The following SHROOM4 variants were observed in gnomAD, a reference collection of about 807,000 sequenced individuals.
SHROOM4 encodes protein Shroom4.
In SHROOM4, 17 loss-of-function variants were observed where a neutral mutation model predicts 80.3. The ratio of observed to expected loss-of-function variants is 0.21; its 90% CI spans 0.14 to 0.32. The LOEUF (loss-of-function observed/expected upper bound fraction) is 0.32, where lower values mean the gene tolerates loss of function less well. SHROOM4 is among the 10% of genes least tolerant of loss of function. SHROOM4 has a pLI of 1.00. For missense variants in SHROOM4, 993 were observed against 1,140.3 expected (o/e 0.87, Z 1.86); for synonymous variants, 400 against 437.5 (o/e 0.91, Z 1.07).
intron 1 of SHROOM4, among the ~76,000 whole-genome samples, chrX:50,772,173 A>G (rs373577978): frequency 8.9e-6 from 1 of 111,771 alleles, no homozygotes; most frequent in East Asian, 2.8e-4. Flanking sequence ...TTAATATTAA[A>G]TCAACAAACA....
intron 5 of SHROOM4, among the ~76,000 whole-genome samples, chrX:50,615,380 A>T (rs6521864): frequency 0.4 from 44,094 of 109,576 alleles, 6,857 homozygotes; most frequent in African/African-American, 0.54. Context: ...TACTTTTAGA[A>T]TTCCACTGAG....
intron 1 of SHROOM4, among the ~76,000 whole-genome samples, chrX:50,782,113 T>C (rs1935639775): frequency 9.0e-6 from 1 of 110,605 alleles, no homozygotes; most frequent in Admixed American, 9.6e-5. Context: ...GAAGGCTAAG[T>C]TGGGAGAATA....
At chrX:50,755,401 T>A (rs1557268327) in intron 1 of SHROOM4, among the ~76,000 whole-genome samples, 2 of 112,168 alleles carry the variant, frequency 1.8e-5, no homozygotes, top group African/African-American at 6.5e-5. Flanking sequence ...ACACTTGTCA[T>A]TTTGAAACAG....
chrX:50,636,053 G>T (rs1931343153), intron 3 of SHROOM4, among the ~76,000 whole-genome samples: 1 of 111,371 alleles, frequency 9.0e-6, no homozygotes, highest in Admixed American at 9.5e-5. Context: ...TTAGAGAGGG[G>T]CCCTAAAGGG....
intron 1 of SHROOM4, among the ~76,000 whole-genome samples, chrX:50,801,078 G>A (rs1235669623): frequency 1.8e-5 from 2 of 109,773 alleles, no homozygotes; most frequent in Non-Finnish European, 3.8e-5. Context: ...AAAAAAAACA[G>A]AAGCTTCATC....
chrX:50,621,636 A>G (rs913122975), intron 5 of SHROOM4, among the ~76,000 whole-genome samples: 24 of 111,984 alleles, frequency 2.1e-4, no homozygotes, highest in African/African-American at 7.5e-4. Context: ...TTTTCCTTGA[A>G]TAAGTTTCGT....
intron 5 of SHROOM4, among the ~76,000 whole-genome samples, chrX:50,610,421 T>G (rs1929918742): frequency 9.2e-6 from 1 of 108,557 alleles, no homozygotes; most frequent in South Asian, 4.1e-4. Context: ...ATGACAAACG[T>G]GTACCAGGCA....
At chrX:50,752,853 T>C (rs782550526) in intron 1 of SHROOM4, among the ~76,000 whole-genome samples, 2 of 111,845 alleles carry the variant, frequency 1.8e-5, no homozygotes, top group African/African-American at 6.5e-5. Flanking sequence ...TGATTATTCA[T>C]AGCTATGCTT....
chrX:50,668,144 ATAAC>A (rs782413978), intron 2 of SHROOM4, among the ~76,000 whole-genome samples: 1 of 112,192 alleles, frequency 8.9e-6, no homozygotes, highest in South Asian at 3.8e-4. Flanking sequence ...ATGCCAGGTG[ATAAC>A]AAGTCTCCTA....
At chrX:50,744,903 G>A (rs1934743512) in intron 1 of SHROOM4, among the ~76,000 whole-genome samples, 1 of 111,589 alleles carries the variant, frequency 9.0e-6, no homozygotes. Flanking sequence ...GGCTTTCTAG[G>A]AGTCATCTTA....
Position 50,591,324 on chromosome X carries a change from G to A in SHROOM4, c.*5371C>T, listed in dbSNP as rs1928870726. ...TAGTTTTGCAGTAAGTTTTGAAGTT[G>A]GGATGTATGAGCCCTCCAACTGTTC... On this transcript the variant is annotated 3_prime_UTR_variant, in exon 9 of 9. Transcript: ENST00000376020. Among the ~76,000 whole-genome samples the A allele has an allele frequency of 8.9e-6, 1 of 111,956 alleles. No homozygotes were observed. The highest frequency in any genetic ancestry group is 3.7e-4 in the South Asian group (1 of 2,670).
rs1462109715 is a variant in SHROOM4 at position 50,591,919 on chromosome X, G to A, written c.*4776C>T. 19 of 326,122 alleles carry A rather than the reference G, an allele frequency of 5.8e-5. No homozygotes were observed. The highest frequency in any genetic ancestry group is 2.1e-4 in the African/African-American group (8 of 37,369). The allele number at this position is 326,122 out of a possible 1,213,427, so 26.9% of individuals were successfully genotyped here. ...TTTTTAGTAGAGATAGGGTTTCACC[G>A]TGTTAGCCAGGATGGTCTTGATCTC... On this transcript the variant is annotated 3_prime_UTR_variant, in exon 9 of 9. Coordinates refer to ENST00000376020, the MANE Select transcript of SHROOM4 (RefSeq NM_020717.5).
rs1171987493 is a variant in SHROOM4 at position 50,788,799 on chromosome X, G to A, written c.117+25103C>T. On this transcript the variant is annotated intron_variant, in intron 1 of 8. Coordinates refer to ENST00000376020, the MANE Select transcript of SHROOM4 (RefSeq NM_020717.5). ...ATAAGAGATTCACTTAAGTTTTAAG[G>A]ACACACAGGCTGAAAGTAAAGGAAT... is the stretch of plus-strand genomic sequence containing the variant. Among the ~76,000 whole-genome samples, 4 of 110,782 alleles carry A rather than the reference G, an allele frequency of 3.6e-5. No homozygotes were observed. The Admixed American group carries it at 3.8e-4, about 11-fold the overall frequency.
intron 6 of SHROOM4, among the ~76,000 whole-genome samples, chrX:50,605,343 A>C (rs1929618573): frequency 8.9e-6 from 1 of 112,503 alleles, no homozygotes; most frequent in Non-Finnish European, 1.9e-5. Flanking sequence ...AGCAATCAAA[A>C]AAATTAGCTA....
intron 5 of SHROOM4, among the ~76,000 whole-genome samples, chrX:50,613,916 G>A (rs1346620102): frequency 5.4e-5 from 6 of 112,134 alleles, no homozygotes; most frequent in African/African-American, 2.0e-4. Flanking sequence ...AAAGTTAGCA[G>A]TAAATAAGGC....
rs781900417 is a variant in SHROOM4, at chrX:50,597,694, A to G, written c.4212+572T>C. ...CTCACAATAATCCCATAAGGCAGGTAGTATGCTCACCTCATTTTACAGGTG... is the reference window on the plus strand; with the variant it reads ...CTCACAATAATCCCATAAGGCAGGTGGTATGCTCACCTCATTTTACAGGTG... On this transcript the variant is annotated intron_variant, in intron 8 of 8. Coordinates refer to ENST00000376020, the MANE Select transcript of SHROOM4 (RefSeq NM_020717.5). Among the ~76,000 whole-genome samples, 45 of 112,042 alleles carry G rather than the reference A, an allele frequency of 4.0e-4. No homozygotes were observed. In the East Asian group the frequency reaches 0.012, roughly 29 times the overall value.
At chrX:50,669,129 T>C (rs782670549) in intron 2 of SHROOM4, among the ~76,000 whole-genome samples, 3 of 112,555 alleles carry the variant, frequency 2.7e-5, no homozygotes, top group South Asian at 7.4e-4. Flanking sequence ...GCCTTGATGT[T>C]GATGGCTACT....
chrX:50,652,759 G>A (rs1413690415), intron 2 of SHROOM4, among the ~76,000 whole-genome samples: 1 of 111,950 alleles, frequency 8.9e-6, no homozygotes, highest in Admixed American at 9.5e-5. Flanking sequence ...TGTAAGGAAG[G>A]GGTCCAGTTT....
chrX:50,692,157 C>CT (rs1557262676), intron 2 of SHROOM4, among the ~76,000 whole-genome samples: 1 of 112,029 alleles, frequency 8.9e-6, no homozygotes, highest in African/African-American at 3.2e-5. Context: ...GGAACTCACC[C>CT]TGGCGAGATG....
Sources: allele counts gnomAD v4.1 joint callset (sites outside exome capture counted in the v4.1 genomes callset), GRCh38; gene constraint gnomAD v4.1.1; transcripts MANE v1.5; gene names NCBI Gene and HGNC (gene_info 2026-07-23, HGNC 2026-07-21).